TLE3: variants seen among roughly 807,000 people sequenced by gnomAD.
TLE3 encodes transducin-like enhancer protein 3.
In TLE3, 14 loss-of-function variants were observed where a neutral mutation model predicts 93.0. The ratio of observed to expected loss-of-function variants is 0.15; its 90% confidence interval spans 0.10 to 0.24. The LOEUF is 0.24. Ranked by LOEUF, TLE3 falls within the 10% of genes least tolerant of loss-of-function variation. The pLI is 1.00. For synonymous variants in TLE3, 451 were observed against 425.0 expected, an observed-to-expected ratio of 1.06 and a Z score of -0.75; for missense variants, 693 against 1,046.6, an observed-to-expected ratio of 0.66 and a Z score of 4.66.
In TLE3 at chr15:70,049,892, C is replaced by T. The variant is rs2055366950; in HGVS notation, c.*205G>A. Reference sequence around the variant, plus strand: ...GGGAGGAGGAGGAGCAGAACCCTTCCGAGTCTGTGAGACACATCAATCCAG... The same window carrying T: ...GGGAGGAGGAGGAGCAGAACCCTTCTGAGTCTGTGAGACACATCAATCCAG... On this transcript the variant is annotated 3_prime_UTR_variant, in exon 20 of 20. Transcript: ENST00000451782. 1.9e-5 allele frequency: 10 copies of T among 534,806 alleles called. No homozygotes were observed. The highest frequency in any genetic ancestry group is 3.1e-5 in the Admixed American group (1 of 31,994). The allele number at this position is 534,806 out of a possible 1,614,324, so 33.1% of individuals were successfully genotyped here.
chr15:70,093,493 C>T (rs2058399021), intron 4 of TLE3, among the ~76,000 whole-genome samples: 1 of 152,238 alleles, frequency 6.6e-6, no homozygotes, highest in Admixed American at 6.5e-5. Flanking sequence ...AAGTCACGGT[C>T]ACCAAAGGCT....
intron 5 of TLE3, 72 bp downstream of exon 5, chr15:70,076,024 C>T: frequency 7.1e-7 from 1 of 1,415,392 alleles, no homozygotes; most frequent in Non-Finnish European, 1.0e-6. Context: ...GGGGCTCAGG[C>T]TCCAGTGAGA....
At chr15:70,054,802 C>G in intron 15 of TLE3, 117 bp from the exon 16 acceptor site, 6 of 1,373,092 alleles carry the variant, frequency 4.4e-6, no homozygotes, top group Non-Finnish European at 5.8e-6. Flanking sequence ...TCCCCCTATA[C>G]CCAGCAGCTG....
intron 4 of TLE3, among the ~76,000 whole-genome samples, chr15:70,083,224 G>A (rs1405004274): frequency 6.6e-6 from 1 of 151,214 alleles, no homozygotes; most frequent in Non-Finnish European, 1.5e-5. Flanking sequence ...AGACACCACA[G>A]GGCCCAGATG....
At chr15:70,095,720 G>A (rs1235865077) in intron 2 of TLE3, 79 bp from the exon 3 acceptor site, 1 of 1,501,048 alleles carries the variant, frequency 6.7e-7, no homozygotes, top group Middle Eastern at 1.8e-4. Flanking sequence ...GGCCTCTAGA[G>A]CCACTTTTCC....
intron 6 of TLE3, among the ~76,000 whole-genome samples, chr15:70,073,341 G>T (rs989032780): frequency 1.3e-5 from 2 of 152,134 alleles, no homozygotes; most frequent in South Asian, 4.1e-4. Context: ...CAGACCTCCA[G>T]GTCTCTGCCC....
At chr15:70,096,627 C>T in intron 1 of TLE3, 148 bp downstream of exon 1, 2 of 1,546,230 alleles carry the variant, frequency 1.3e-6, no homozygotes, top group Non-Finnish European at 1.7e-6. Context: ...CAACGGCGCC[C>T]CCCGGCCGCA....
chr15:70,066,931 T>A (rs1240748077), intron 6 of TLE3: 1 of 383,536 alleles, frequency 2.6e-6, no homozygotes, highest in Non-Finnish European at 5.3e-6. Context: ...GAGCCTCAAA[T>A]TTCCTTATCT....
chr15:70,085,735 G>T (rs572827629), intron 4 of TLE3, among the ~76,000 whole-genome samples: 1 of 152,196 alleles, frequency 6.6e-6, no homozygotes, highest in Non-Finnish European at 1.5e-5. Context: ...CATGTCTTTC[G>T]AGCTCTAAAC....
At chr15:70,068,398 A>T (rs1197516400) in intron 6 of TLE3, among the ~76,000 whole-genome samples, 3 of 152,202 alleles carry the variant, frequency 2.0e-5, no homozygotes, top group Non-Finnish European at 4.4e-5. Context: ...GTGGTCGGAC[A>T]ATACAACTTT....
chr15:70,062,778 TCAC>T (rs2056577203), intron 8 of TLE3, among the ~76,000 whole-genome samples: 1 of 151,972 alleles, frequency 6.6e-6, no homozygotes, highest in Non-Finnish European at 1.5e-5. Flanking sequence ...GCTGACACCG[TCAC>T]CACGCCACAT....
intron 4 of TLE3, among the ~76,000 whole-genome samples, chr15:70,077,492 G>A (rs2057503534): frequency 6.6e-6 from 1 of 152,198 alleles, no homozygotes; most frequent in Non-Finnish European, 1.5e-5. Context: ...ACAATCTGAA[G>A]GCGCATAAAT....
At chr15:70,068,176 A>G (rs1409516467) in intron 6 of TLE3, among the ~76,000 whole-genome samples, 1 of 152,260 alleles carries the variant, frequency 6.6e-6, no homozygotes. Context: ...TAGACATTAA[A>G]AAGTTTTTAA....
intron 5 of TLE3, among the ~76,000 whole-genome samples, chr15:70,074,963 A>T (rs902211379): frequency 2.6e-5 from 4 of 152,252 alleles, no homozygotes; most frequent in Non-Finnish European, 5.9e-5. Context: ...TTCTCTAAAC[A>T]TGGTAACAAT....
At chr15:70,082,693 C>A (rs2057840729) in intron 4 of TLE3, among the ~76,000 whole-genome samples, 1 of 152,242 alleles carries the variant, frequency 6.6e-6, no homozygotes, top group Non-Finnish European at 1.5e-5. Context: ...CAGCGTGACC[C>A]TGAGGATCTG....
At chr15:70,078,718 A>G (rs1029375948) in intron 4 of TLE3, among the ~76,000 whole-genome samples, 1 of 152,232 alleles carries the variant, frequency 6.6e-6, no homozygotes, top group African/African-American at 2.4e-5. Context: ...AGCCAGGCCA[A>G]TCGCAAGCCA....
chr15:70,065,973 A>ACCCCATCCCCCCCCCCC, intron 7 of TLE3, 41 bp downstream of exon 7: 3 of 806,246 alleles, frequency 3.7e-6, no homozygotes, highest in Non-Finnish European at 6.3e-6. Context: ...GCCCATGCCC[A>ACCCCATCCCCCCCCCCC]CCCCTGCCCC....
At position 70,054,631 on chromosome 15, in the gene TLE3, T is replaced by G; in HGVS notation, c.1633A>C (p.Ile545Leu). The part of the protein sequence containing the change: ...CKLLPDGRTL[I>L]VGGEASTLTI... ...AGCGTGCTGGCCTCGCCGCCCACGA[T>G]GAGCGTGCGCCCATCAGGGAGCAGC... Residue 545 changes from isoleucine (I) to leucine (L), a missense_variant, in exon 16 of 20, where the codon ATC (isoleucine) becomes CTC (leucine). This residue lies in a region of TLE3 where 153 missense variants were observed against 379.9 expected (regional missense o/e 0.40). Coordinates refer to ENST00000451782, the MANE Select transcript of TLE3 (RefSeq NM_001105192.3). 4 of 1,611,808 alleles carry G rather than the reference T, an allele frequency of 2.5e-6. No individual in the cohort carries two copies. The highest frequency in any genetic ancestry group is 3.4e-6 in the Non-Finnish European group (4 of 1,178,684).
At position 70,055,189 on chromosome 15, in the gene TLE3, G is replaced by A. The variant is rs1055690023; in HGVS notation, c.1438C>T (p.Leu480Phe). ...GCACACACCACCTCCCCGTGGCTGA[G>A]TGTGTTGATCTGCCGGGCGTGCCTC... ...IPRHARQINT[L>F]SHGEVVCAVT... Residue 480 changes from leucine to phenylalanine, a missense_variant, in exon 15 of 20, where the codon CTC (leucine) becomes TTC (phenylalanine). Physicochemically the swap from Leu to Phe is conservative, Grantham distance 22 (BLOSUM62 0). This residue lies in a region of TLE3 where 405 missense variants were observed against 468.9 expected (regional missense o/e 0.86). Coordinates refer to ENST00000451782, the MANE Select transcript of TLE3 (RefSeq NM_001105192.3). 1.7e-5 allele frequency: 27 copies of A among 1,614,034 alleles called. No individual in the cohort carries two copies. Among genetic ancestry groups the A allele is most frequent in the Non-Finnish European group, 2.0e-5 (24 of 1,180,028 alleles).
Sources: gnomAD v4.1 joint callset for allele counts (sites outside exome capture counted in the v4.1 genomes callset) on GRCh38, gnomAD v4.1.1 for gene constraint, gnomAD v4.1.1 regional missense constraint, MANE v1.5 for transcripts, NCBI Gene and HGNC (gene_info 2026-07-23, HGNC 2026-07-21) for gene names.